The following SLC2A12 variants were observed in gnomAD, a reference collection of about 807,000 sequenced individuals.
The protein encoded by SLC2A12 is solute carrier family 2 member 12.
In SLC2A12, 23 loss-of-function variants were observed where a neutral mutation model predicts 41.8. That is an observed-to-expected ratio of 0.55 (90% CI 0.40 to 0.78). The LOEUF is 0.78. Among genes scored for constraint, SLC2A12 ranks in the 30% least tolerant of loss-of-function variants. The pLI is 0.00. For missense variants in SLC2A12, 654 were observed against 745.6 expected, an observed-to-expected ratio of 0.88 and a Z score of 1.43; for synonymous variants, 295 against 285.9, an observed-to-expected ratio of 1.03 and a Z score of -0.32.
At chr6:133,998,195 A>G (rs1256797293) in intron 4 of SLC2A12, among the ~76,000 whole-genome samples, 1 of 152,216 alleles carries the variant, frequency 6.6e-6, no homozygotes, top group Non-Finnish European at 1.5e-5. Context: ...TTCTGAATTA[A>G]TAAGTTCTGT....
chr6:134,015,435 C>A, intron 2 of SLC2A12, among the ~76,000 whole-genome samples: 1 of 152,076 alleles, frequency 6.6e-6, no homozygotes, highest in Non-Finnish European at 1.5e-5. Context: ...ATGTAACAAA[C>A]CTCCACATCC....
intron 1 of SLC2A12, among the ~76,000 whole-genome samples, chr6:134,048,815 T>C (rs767519875): frequency 1.1e-4 from 16 of 152,188 alleles, no homozygotes; most frequent in Admixed American, 2.6e-4. Context: ...GGCCTCTTAC[T>C]AGAATCTGTC....
intron 3 of SLC2A12, 128 bp downstream of exon 3, chr6:134,006,684 G>T (rs369590963): frequency 2.0e-5 from 24 of 1,218,962 alleles, no homozygotes; most frequent in South Asian, 1.4e-4. Context: ...GTACTTCAGG[G>T]TCATGGCCGT....
chr6:134,039,313 G>T (rs1777348886), intron 1 of SLC2A12, among the ~76,000 whole-genome samples: 1 of 152,074 alleles, frequency 6.6e-6, no homozygotes, highest in African/African-American at 2.4e-5. Flanking sequence ...ACACGTCATT[G>T]ATCTATTTGC....
At chr6:133,998,485 T>C (rs904074111) in intron 4 of SLC2A12, among the ~76,000 whole-genome samples, 1 of 152,244 alleles carries the variant, frequency 6.6e-6, no homozygotes, top group Non-Finnish European at 1.5e-5. Context: ...TGCTACTTTC[T>C]CCCTGCCTCA....
rs1387766232 is a variant in SLC2A12 at position 133,990,699 on chromosome 6, CT to C, written c.*455del. On this transcript the variant is annotated 3_prime_UTR_variant, in exon 5 of 5. Transcript: ENST00000275230. ...GTTGTCCACACTGTGTGTTCTGGTT[CT>C]TTTTTGCGTAAGATCCAGTGCAAGT... 1 of 152,822 alleles carries C rather than the reference CT, an allele frequency of 6.5e-6. No homozygotes were observed. Among genetic ancestry groups the C allele is most frequent in the Non-Finnish European group, 1.5e-5 (1 of 68,584 alleles). 9.5% of individuals were successfully genotyped at this position (152,822 alleles called of 1,614,324 possible). A position where few individuals can be genotyped will look rare whatever the true frequency, so the allele number is the denominator to read the frequency against.
rs1262576210 is a variant in SLC2A12, at chr6:133,987,944, A to G, written c.*3211T>C. 6.6e-6 allele frequency: 1 copy of G among 152,200 alleles called. No individual in the cohort carries two copies. Among genetic ancestry groups the G allele is most frequent in the African/African-American group, 2.4e-5 (1 of 41,418 alleles). 9.4% of individuals were successfully genotyped at this position (152,200 alleles called of 1,614,324 possible). A position where few individuals can be genotyped will look rare whatever the true frequency, so the allele number is the denominator to read the frequency against. On this transcript the variant is annotated 3_prime_UTR_variant, in exon 5 of 5. Coordinates refer to ENST00000275230, the MANE Select transcript of SLC2A12 (RefSeq NM_145176.3). ...CTGTGATGAATGGTGCCTCATTTGG[A>G]CCTTTGTTTTTCTGGAAAGACTCAA...
chr6:134,006,192 A>C (rs13200636), intron 3 of SLC2A12, among the ~76,000 whole-genome samples: 8 of 135,076 alleles, frequency 5.9e-5, no homozygotes, highest in Admixed American at 5.8e-4. Flanking sequence ...AAAAAAAAAA[A>C]CAAAAAAAAA....
chr6:134,002,807 C>G (rs1381078809), intron 3 of SLC2A12, among the ~76,000 whole-genome samples: 1 of 152,314 alleles, frequency 6.6e-6, no homozygotes, highest in Non-Finnish European at 1.5e-5. Flanking sequence ...CAAGATGCAT[C>G]ACAAGAAGCA....
At chr6:134,009,555 T>C (rs1452906531) in intron 2 of SLC2A12, among the ~76,000 whole-genome samples, 3 of 152,092 alleles carry the variant, frequency 2.0e-5, no homozygotes, top group Admixed American at 1.3e-4. Flanking sequence ...AATAAGAATA[T>C]TGAGCCTGTA....
intron 2 of SLC2A12, among the ~76,000 whole-genome samples, chr6:134,014,500 T>C (rs1326112142): frequency 2.0e-5 from 3 of 152,268 alleles, no homozygotes; most frequent in Non-Finnish European, 4.4e-5. Context: ...TTCTAGTTTG[T>C]ACTACAACTT....
chr6:133,997,379 T>C (rs2114420138), intron 4 of SLC2A12, among the ~76,000 whole-genome samples: 1 of 152,308 alleles, frequency 6.6e-6, no homozygotes, highest in South Asian at 2.1e-4. Context: ...TCACTATTCA[T>C]AATAGCAAAC....
At chr6:134,018,743 A>G (rs986571073) in intron 2 of SLC2A12, among the ~76,000 whole-genome samples, 22 of 143,726 alleles carry the variant, frequency 1.5e-4, no homozygotes, top group African/African-American at 5.8e-4. Flanking sequence ...ACTGTATCAT[A>G]GGTGTGTTCA....
At chr6:134,036,965 A>G (rs1777309116) in intron 1 of SLC2A12, among the ~76,000 whole-genome samples, 1 of 152,076 alleles carries the variant, frequency 6.6e-6, no homozygotes. Context: ...GCCCTGTTTC[A>G]GTGGACCAGG....
At chr6:134,016,011 G>T (rs11154756) in intron 2 of SLC2A12, among the ~76,000 whole-genome samples, 20,643 of 152,146 alleles carry the variant, frequency 0.14, 1,563 homozygotes, top group East Asian at 0.19. Flanking sequence ...CTAGTTTGTT[G>T]TTTCGAATAG....
chr6:134,020,854 T>G (rs1479798179), intron 2 of SLC2A12, among the ~76,000 whole-genome samples: 2 of 152,166 alleles, frequency 1.3e-5, no homozygotes, highest in East Asian at 1.9e-4. Context: ...AACCCTGAGA[T>G]TCTCCAACTC....
chr6:134,052,346 G>A, intron 1 of SLC2A12, 32 bp downstream of exon 1: 1 of 1,577,280 alleles, frequency 6.3e-7, no homozygotes. Context: ...TTGCTTCTCT[G>A]CGGTCACCCG....
chr6:133,995,198 A>G (rs1372293552), intron 4 of SLC2A12, among the ~76,000 whole-genome samples: 2 of 152,136 alleles, frequency 1.3e-5, no homozygotes, highest in Non-Finnish European at 2.9e-5. Flanking sequence ...GCACAAAAAG[A>G]CCTTTTGTTT....
chr6:134,052,299 G>C (rs998074610), intron 1 of SLC2A12, 79 bp downstream of exon 1: 32 of 550,882 alleles, frequency 5.8e-5, no homozygotes, highest in Middle Eastern at 4.4e-4. Flanking sequence ...ACACACACGG[G>C]ACTCAAGAGA....
Sources: allele counts gnomAD v4.1 joint callset (sites outside exome capture counted in the v4.1 genomes callset), GRCh38; gene constraint gnomAD v4.1.1; transcripts MANE v1.5; gene names NCBI Gene and HGNC (gene_info 2026-07-23, HGNC 2026-07-21).